PLEKHG3: variants seen among roughly 807,000 people sequenced by gnomAD.
The protein encoded by PLEKHG3 is pleckstrin homology domain-containing family G member 3.
A neutral mutation model predicts 94.9 loss-of-function variants in PLEKHG3; 62 were observed. The observed-to-expected ratio is 0.65, with a 90% CI of 0.53 to 0.81. The LOEUF (loss-of-function observed/expected upper bound fraction) is 0.81. Among genes scored for constraint, PLEKHG3 ranks in the 30% least tolerant of loss-of-function variants. The pLI, the probability that PLEKHG3 is intolerant of heterozygous loss-of-function variation, is 0.00. For synonymous variants in PLEKHG3, 614 were observed against 654.0 expected, an observed-to-expected ratio of 0.94 and a Z score of 0.93; for missense variants, 1,461 against 1,619.3, an observed-to-expected ratio of 0.90 and a Z score of 1.68.
intron 16 of PLEKHG3, 81 bp from the exon 17 acceptor site, chr14:64,742,901 G>A: frequency 1.4e-6 from 2 of 1,392,730 alleles, no homozygotes; most frequent in South Asian, 2.4e-5. Flanking sequence ...CCTGGAAAGT[G>A]AGTTGGGGCC....
rs779725418 is a variant in PLEKHG3 at position 64,716,872 on chromosome 14, G to A, written c.-39-10721G>A. 1.1e-4 allele frequency among the ~76,000 whole-genome samples: 17 copies of A among 152,298 alleles called. No homozygotes were observed. The highest frequency in any genetic ancestry group is 7.7e-4 in the East Asian group (4 of 5,180). On this transcript the variant is annotated intron_variant, in intron 1 of 16. Coordinates refer to ENST00000247226, the MANE Select transcript of PLEKHG3 (RefSeq NM_001308147.2). This position sits in a 1 kb window ranked among gnomAD's most constrained non-coding sequence, Gnocchi z 5.0. ...TGGGATTGGGTAATACTGCCCCACC[G>A]GTCTGAATTCTGGTCCATGTACGCT...
At position 64,738,874 on chromosome 14, in the gene PLEKHG3, G is replaced by T. The variant is rs987408399; in HGVS notation, c.1518+19G>T. Reference sequence around the variant, plus strand: ...GCCAGAGGTGAGCGACCAGCAGGTGGGATGGGGATAGTAGGAAGAACTTGG... The same window carrying T: ...GCCAGAGGTGAGCGACCAGCAGGTGTGATGGGGATAGTAGGAAGAACTTGG... On this transcript the variant is annotated intron_variant, in intron 15 of 16. Coordinates refer to ENST00000247226, the MANE Select transcript of PLEKHG3 (RefSeq NM_001308147.2). The surrounding 1 kb of genome is among the most constrained non-coding windows in gnomAD (Gnocchi z 4.8). 1.4e-6 allele frequency: 2 copies of T among 1,468,946 alleles called. No individual in the cohort carries two copies. The highest frequency in any genetic ancestry group is 4.8e-5 in the East Asian group (2 of 41,394). The allele number at this position is 1,468,946 out of a possible 1,614,324, so 91.0% of individuals were successfully genotyped here.
At position 64,728,612 on chromosome 14, in the gene PLEKHG3, T is replaced by C. The variant is rs990535222; in HGVS notation, c.352-384T>C. ...GGGAGTAGGCATTCTATGCCTGTCATCCAGCTTCTGGGGTCCTGGCAGTCT... is the reference window on the plus strand; with the variant it reads ...GGGAGTAGGCATTCTATGCCTGTCACCCAGCTTCTGGGGTCCTGGCAGTCT... On this transcript the variant is annotated intron_variant, in intron 2 of 16. Transcript: ENST00000247226. This position sits in a 1 kb window ranked among gnomAD's most constrained non-coding sequence, Gnocchi z 5.9. Among the ~76,000 whole-genome samples, 25 of 152,316 alleles carry C rather than the reference T, an allele frequency of 1.6e-4. No homozygotes were observed. Among genetic ancestry groups the C allele is most frequent in the African/African-American group, 6.0e-4 (25 of 41,572 alleles).
At chr14:64,735,974 T>C (rs1203289355) in intron 12 of PLEKHG3, among the ~76,000 whole-genome samples, 1 of 152,250 alleles carries the variant, frequency 6.6e-6, no homozygotes, top group Non-Finnish European at 1.5e-5. Flanking sequence ...ACAGATAGTG[T>C]ATGTATGTTG....
At chr14:64,737,402 G>C (rs1292051322) in intron 14 of PLEKHG3, 27 bp downstream of exon 14, 1 of 1,549,008 alleles carries the variant, frequency 6.5e-7, no homozygotes, top group Non-Finnish European at 8.8e-7. Flanking sequence ...GGAGGGGACT[G>C]GCTGACAGAG....
rs2081581454 is a variant in PLEKHG3 at position 64,736,862 on chromosome 14, A to G, written c.1355A>G (p.Lys452Arg). ...ATGCTTTCCTCCTCAGAGCCAACCA[A>G]ACACCTGCTCAGGCAACTCAACGAG... The part of the protein sequence containing the change: ...RQGRRQSEPT[K>R]HLLRQLNEKA... The change falls in exon 13 of 17, where the codon AAA becomes AGA. Residue 452 changes from lysine (K) to arginine (R), a missense_variant. Around this residue, in one of 3 missense-constraint regions of PLEKHG3, gnomAD observed 1,201 missense variants for 1,295.5 expected, o/e 0.93. Coordinates refer to ENST00000247226, the MANE Select transcript of PLEKHG3 (RefSeq NM_001308147.2). 9 of 1,613,212 alleles carry G rather than the reference A, an allele frequency of 5.6e-6. No homozygotes were observed. The highest frequency in any genetic ancestry group is 7.6e-6 in the Non-Finnish European group (9 of 1,179,388).
Position 64,728,374 on chromosome 14 carries a change from A to C in PLEKHG3, c.351+392A>C, listed in dbSNP as rs2081393428. On this transcript the variant is annotated intron_variant, in intron 2 of 16. Transcript: ENST00000247226. This position sits in a 1 kb window ranked among gnomAD's most constrained non-coding sequence, Gnocchi z 5.9. ...TAAGAGGAAGCGACACCTACCTTGTAGGTGAAGGGCACGGAAGGGCAGCTG... is the reference window on the plus strand; with the variant it reads ...TAAGAGGAAGCGACACCTACCTTGTCGGTGAAGGGCACGGAAGGGCAGCTG... Among the ~76,000 whole-genome samples the C allele has an allele frequency of 6.6e-6, 1 of 152,224 alleles. No homozygotes were observed. The highest frequency in any genetic ancestry group is 2.4e-5 in the African/African-American group (1 of 41,446).
Position 64,722,016 on chromosome 14 carries a change from A to G in PLEKHG3, c.-39-5577A>G, listed in dbSNP as rs1357404925. ...TCTGGAAAAGTTATAGCTTTTCTCT[A>G]TTGCTTCCTTCTGGCACCCTTTTTG... is the stretch of plus-strand genomic sequence containing the variant. On this transcript the variant is annotated intron_variant, in intron 1 of 16. Transcript: ENST00000247226. The surrounding 1 kb of genome is among the most constrained non-coding windows in gnomAD (Gnocchi z 4.3). Among the ~76,000 whole-genome samples, 2 of 151,992 alleles carry G rather than the reference A, an allele frequency of 1.3e-5. No homozygotes were observed. The highest frequency in any genetic ancestry group is 4.8e-5 in the African/African-American group (2 of 41,376).
rs1023851060 is a variant in PLEKHG3, at chr14:64,717,582, G to A, written c.-39-10011G>A. On this transcript the variant is annotated intron_variant, in intron 1 of 16. Coordinates refer to ENST00000247226, the MANE Select transcript of PLEKHG3 (RefSeq NM_001308147.2). The surrounding 1 kb of genome is among the most constrained non-coding windows in gnomAD (Gnocchi z 4.7). ...ACTGGCATCTCAGTTTTCTAGGGTA[G>A]GTGTTCTCTTCCTGCTCCTAGAGGC... Among the ~76,000 whole-genome samples the A allele has an allele frequency of 6.6e-6, 1 of 152,204 alleles. No individual in the cohort carries two copies. Among genetic ancestry groups the A allele is most frequent in the Non-Finnish European group, 1.5e-5 (1 of 68,036 alleles).
rs1332532474 is a variant in PLEKHG3, at chr14:64,741,278, C to G, written c.1761C>G (p.Ala587=). Residue 587 remains alanine (A), a synonymous_variant, in exon 16 of 17, where the codon GCC becomes GCG. Transcript: ENST00000247226. ...SEEEEEMGGA[A]QEPESLLPPS... ...AGGAAGAAGAAATGGGAGGTGCCGC[C>G]CAGGAGCCTGAGAGCCTTCTGCCAC... 1.3e-5 allele frequency: 21 copies of G among 1,613,708 alleles called. No homozygotes were observed. Among genetic ancestry groups the G allele is most frequent in the Admixed American group, 6.7e-5 (4 of 59,994 alleles).
Position 64,743,291 on chromosome 14 carries a change from C to T in PLEKHG3, c.3248C>T (p.Pro1083Leu), listed in dbSNP as rs758053410. 1.9e-5 allele frequency: 31 copies of T among 1,607,966 alleles called. No homozygotes were observed. The highest frequency in any genetic ancestry group is 4.4e-5 in the South Asian group (4 of 90,894). The change falls in exon 17 of 17, where the codon CCG (proline) becomes CTG (leucine). Residue 1083 changes from proline to leucine, a missense_variant. Physicochemically the swap from Pro to Leu is moderately conservative, Grantham distance 98. Coordinates refer to ENST00000247226, the MANE Select transcript of PLEKHG3 (RefSeq NM_001308147.2). This position sits in a 1 kb window ranked among gnomAD's most constrained non-coding sequence, Gnocchi z 7.2. ...CCCGTCAACAGGAGCCACTCGGTGC[C>T]GGAGAACATGGTAGAGCCACCTCTG... is the stretch of plus-strand genomic sequence containing the variant. ...GPPVNRSHSV[P>L]ENMVEPPLSG...
Position 64,738,609 on chromosome 14 carries a change from A to G in PLEKHG3, c.1405-133A>G. On this transcript the variant is annotated intron_variant, in intron 14 of 16. Coordinates refer to ENST00000247226, the MANE Select transcript of PLEKHG3 (RefSeq NM_001308147.2). The surrounding 1 kb of genome is among the most constrained non-coding windows in gnomAD (Gnocchi z 4.8). ...CCTGGCAGTTCAGGTTGGCTCTGGA[A>G]TGGCTCAGGTCCAAGACTGGCTCTC... The G allele has an allele frequency of 1.5e-6, 1 of 681,542 alleles. No homozygotes were observed. The allele number at this position is 681,542 out of a possible 1,614,324, so 42.2% of individuals were successfully genotyped here.
rs1478587167 is a variant in PLEKHG3 at position 64,749,104 on chromosome 14, G to T, written c.*5401G>T. On this transcript the variant is annotated 3_prime_UTR_variant, in exon 17 of 17. Coordinates refer to ENST00000247226, the MANE Select transcript of PLEKHG3 (RefSeq NM_001308147.2). The surrounding 1 kb of genome is among the most constrained non-coding windows in gnomAD (Gnocchi z 4.7). ...AGCCCCTGTCCCTGGAGCGGAGCCAGCGCGGGCGAGGGCATGGAGGGGGCG... is the reference window on the plus strand; with the variant it reads ...AGCCCCTGTCCCTGGAGCGGAGCCATCGCGGGCGAGGGCATGGAGGGGGCG... 2 of 541,542 alleles carry T rather than the reference G, an allele frequency of 3.7e-6. No individual in the cohort carries two copies. The highest frequency in any genetic ancestry group is 6.3e-6 in the Non-Finnish European group (2 of 318,870). The allele number at this position is 541,542 out of a possible 1,614,324, so 33.5% of individuals were successfully genotyped here.
Position 64,738,102 on chromosome 14 carries a change from G to C in PLEKHG3, c.1405-640G>C. 7.7e-7 allele frequency: 1 copy of C among 1,303,260 alleles called. No homozygotes were observed. Among genetic ancestry groups the C allele is most frequent in the African/African-American group, 1.5e-5 (1 of 66,898 alleles). The allele number at this position is 1,303,260 out of a possible 1,614,324, so 80.7% of individuals were successfully genotyped here. A position where few individuals can be genotyped will look rare whatever the true frequency, so the allele number is the denominator to read the frequency against. On this transcript the variant is annotated intron_variant, in intron 14 of 16. Transcript: ENST00000247226. The surrounding 1 kb of genome is among the most constrained non-coding windows in gnomAD (Gnocchi z 4.8). ...GCCCCCAGGCTCAGAGGAGGAGGAG[G>C]AGGAGCAGGAGGAGAGCCTGGCGGT...
In PLEKHG3 at chr14:64,730,989, G is replaced by GCACCTCCCA. The variant is rs2081448822; in HGVS notation, c.717+40_717+41insCACCTCCCA. On this transcript the variant is annotated intron_variant, in intron 6 of 16. Transcript: ENST00000247226. The surrounding 1 kb of genome is among the most constrained non-coding windows in gnomAD (Gnocchi z 5.4). The stretch of plus-strand genomic sequence containing the variant: ...CTCCCAAGCACCTAGGGCCTGGGGA[G>GCACCTCCCA]GGCAGGGCCTTCGGGTCAGGGGCAC... 1 of 1,613,604 alleles carries GCACCTCCCA rather than the reference G, an allele frequency of 6.2e-7. No homozygotes were observed. Among genetic ancestry groups the GCACCTCCCA allele is most frequent in the Non-Finnish European group, 8.5e-7 (1 of 1,180,002 alleles).
rs2081772666 is a variant in PLEKHG3, at chr14:64,743,797, C to A, written c.*94C>A. On this transcript the variant is annotated 3_prime_UTR_variant, in exon 17 of 17. Transcript: ENST00000247226. The surrounding 1 kb of genome is among the most constrained non-coding windows in gnomAD (Gnocchi z 7.2). ...AGCCTGGGCTCATGGAGCCCCTGCC[C>A]AGGGCCCTCAGGTGGGCGGAAAGTC... is the stretch of plus-strand genomic sequence containing the variant. 1 of 1,362,298 alleles carries A rather than the reference C, an allele frequency of 7.3e-7. No homozygotes were observed. Among genetic ancestry groups the A allele is most frequent in the Non-Finnish European group, 9.7e-7 (1 of 1,026,666 alleles). The allele number at this position is 1,362,298 out of a possible 1,614,324, so 84.4% of individuals were successfully genotyped here.
In PLEKHG3 at chr14:64,716,457, CACACACACA is replaced by C. The variant is rs1423115593; in HGVS notation, c.-39-11126_-39-11118del. ...CCCTACACACACACACACACACACA[CACACACACA>C]ACACACACACACACAACACACACAC... is the stretch of plus-strand genomic sequence containing the variant. On this transcript the variant is annotated intron_variant, in intron 1 of 16. Transcript: ENST00000247226. This position sits in a 1 kb window ranked among gnomAD's most constrained non-coding sequence, Gnocchi z 5.0. Among the ~76,000 whole-genome samples the C allele has an allele frequency of 0.014, 1,750 of 129,208 alleles. 25 individuals carry two copies. Among genetic ancestry groups the C allele is most frequent in the South Asian group, 0.024 (93 of 3,952 alleles). 84.8% of individuals were successfully genotyped at this position (129,208 alleles called of 152,430 possible). A position where few individuals can be genotyped will look rare whatever the true frequency, so the allele number is the denominator to read the frequency against.
chr14:64,742,667 C>A (rs2081729834), intron 16 of PLEKHG3, among the ~76,000 whole-genome samples: 1 of 152,218 alleles, frequency 6.6e-6, no homozygotes, highest in Admixed American at 6.5e-5. Context: ...CCTTTTGATG[C>A]CCTCTGCTCT....
Position 64,749,272 on chromosome 14 carries a change from G to T in PLEKHG3, c.*5569G>T, listed in dbSNP as rs753168397. 6.5e-7 allele frequency: 1 copy of T among 1,547,908 alleles called. No individual in the cohort carries two copies. Among genetic ancestry groups the T allele is most frequent in the Non-Finnish European group, 8.7e-7 (1 of 1,151,708 alleles). Reference sequence around the variant, plus strand: ...GGCCTGGGCTGCCCGGTCTCTGCGCGTCCCGACTCCGCCGCGCCCGCCAGC... The same window carrying T: ...GGCCTGGGCTGCCCGGTCTCTGCGCTTCCCGACTCCGCCGCGCCCGCCAGC... On this transcript the variant is annotated 3_prime_UTR_variant, in exon 17 of 17. Coordinates refer to ENST00000247226, the MANE Select transcript of PLEKHG3 (RefSeq NM_001308147.2). This position sits in a 1 kb window ranked among gnomAD's most constrained non-coding sequence, Gnocchi z 4.7.
Sources: gnomAD v4.1 joint callset for allele counts (sites outside exome capture counted in the v4.1 genomes callset) on GRCh38, gnomAD v4.1.1 for gene constraint, gnomAD v4.1.1 regional missense constraint, Gnocchi (gnomAD v3.1) non-coding constraint, MANE v1.5 for transcripts, NCBI Gene and HGNC (gene_info 2026-07-23, HGNC 2026-07-21) for gene names.